The following CMIP variants were observed in gnomAD, a reference collection of about 807,000 sequenced individuals.
CMIP encodes C-Maf-inducing protein.
In CMIP, 13 loss-of-function variants were observed where a neutral mutation model predicts 97.3. The observed-to-expected ratio is 0.13, with a 90% CI of 0.09 to 0.21. The LOEUF is 0.21. Ranked by LOEUF, CMIP falls within the 10% of genes least tolerant of loss-of-function variation. The probability of loss-of-function intolerance (pLI) is 1.00; values close to 1 mark genes in which losing one functional copy is unlikely to be tolerated. For missense variants in CMIP, 847 were observed against 1,024.9 expected (o/e 0.83, Z 2.37); for synonymous variants, 538 against 436.3 (o/e 1.23, Z -2.91).
rs746236947 is a variant in CMIP at position 81,652,304 on chromosome 16, C to G, written c.579C>G (p.Pro193=). Residue 193 remains proline, a synonymous_variant, in exon 4 of 21, where the codon CCC becomes CCG. Transcript: ENST00000537098. The surrounding 1 kb of genome is among the most constrained non-coding windows in gnomAD (Gnocchi z 5.2). The stretch of plus-strand genomic sequence containing the variant: ...TGGTGGACATGGCCCTGACATCCCC[C>G]CTGCAGGATGACTCCATCAACCAGG... The part of the protein sequence containing the change: ...RTLVDMALTS[P]LQDDSINQAP... The G allele has an allele frequency of 3.5e-5, 56 of 1,613,846 alleles. No homozygotes were observed. The highest frequency in any genetic ancestry group is 1.8e-4 in the East Asian group (8 of 44,890).
chr16:81,549,859 T>A (rs1301030502), intron 1 of CMIP, among the ~76,000 whole-genome samples: 4 of 152,170 alleles, frequency 2.6e-5, no homozygotes, highest in African/African-American at 9.7e-5. Flanking sequence ...CGCGTGCATA[T>A]GCCAGTGTGT....
chr16:81,649,353 C>A (rs556195325), intron 3 of CMIP, among the ~76,000 whole-genome samples: 4 of 152,254 alleles, frequency 2.6e-5, no homozygotes, highest in Non-Finnish European at 5.9e-5. Context: ...GGTGTACCGA[C>A]CCCGAGGGCT....
chr16:81,536,319 G>A (rs540636420), intron 1 of CMIP, among the ~76,000 whole-genome samples: 6 of 152,226 alleles, frequency 3.9e-5, no homozygotes, highest in African/African-American at 4.8e-5. Context: ...CTTACCTTGC[G>A]CCATGCAGGG....
rs35478251 is a variant in CMIP, at chr16:81,640,286, GCCC to G, written c.478-11906_478-11904del. Among the ~76,000 whole-genome samples the G allele has an allele frequency of 9.3e-5, 12 of 129,454 alleles. No individual in the cohort carries two copies. The South Asian group carries it at 1.0e-3, about 11-fold the overall frequency. 84.9% of individuals were successfully genotyped at this position (129,454 alleles called of 152,430 possible). The stretch of plus-strand genomic sequence containing the variant: ...CAGCAAGAGCAGGATAGGACATCAG[GCCC>G]CCCCCCCCCCAATTCCCCAGGGAAA... On this transcript the variant is annotated intron_variant, in intron 3 of 20. Coordinates refer to ENST00000537098, the MANE Select transcript of CMIP (RefSeq NM_198390.3).
chr16:81,456,318 C>T (rs1906542515), intron 1 of CMIP, among the ~76,000 whole-genome samples: 1 of 152,196 alleles, frequency 6.6e-6, no homozygotes, highest in Non-Finnish European at 1.5e-5. Context: ...CTCATCAGCC[C>T]CGTGAGGCGT....
chr16:81,654,313 C>G (rs1253616522), intron 4 of CMIP, among the ~76,000 whole-genome samples: 2 of 152,062 alleles, frequency 1.3e-5, no homozygotes, highest in Non-Finnish European at 2.9e-5. Flanking sequence ...CTCAAGTGAT[C>G]CTCCCACCTT....
At chr16:81,475,936 G>A (rs1907882317) in intron 1 of CMIP, 1 of 416,842 alleles carries the variant, frequency 2.4e-6, no homozygotes, top group Non-Finnish European at 4.5e-6. Context: ...GCAGTGAGCT[G>A]AGATTGCTCC....
At chr16:81,620,658 T>C (rs923802136) in intron 2 of CMIP, 1 of 547,514 alleles carries the variant, frequency 1.8e-6, no homozygotes, top group African/African-American at 1.9e-5. Context: ...ACGGTGCTAG[T>C]GATGTCTTGT....
intron 15 of CMIP, 56 bp downstream of exon 15, chr16:81,699,857 T>G: frequency 8.1e-7 from 1 of 1,228,688 alleles, no homozygotes; most frequent in Non-Finnish European, 1.2e-6. Context: ...CCCTTGTCCG[T>G]GCCGATAGAG....
chr16:81,498,698 A>G (rs988684074), intron 1 of CMIP, among the ~76,000 whole-genome samples: 2 of 152,100 alleles, frequency 1.3e-5, no homozygotes, highest in South Asian at 4.1e-4. Flanking sequence ...TTGAGCACAC[A>G]TGTCCTGGGC....
intron 20 of CMIP, 98 bp from the exon 21 acceptor site, chr16:81,709,648 C>G (rs1354637511): frequency 1.5e-6 from 2 of 1,373,320 alleles, no homozygotes. Flanking sequence ...GAGAGGGTGG[C>G]AGAGACCCCC....
At position 81,552,697 on chromosome 16, in the gene CMIP, G is replaced by C. The variant is rs535106222; in HGVS notation, c.301-54870G>C. 7.2e-5 allele frequency among the ~76,000 whole-genome samples: 11 copies of C among 152,340 alleles called. No individual in the cohort carries two copies. In the South Asian group the frequency reaches 1.7e-3, roughly 23 times the overall value. On this transcript the variant is annotated intron_variant, in intron 1 of 20. Transcript: ENST00000537098. ...CTGCAACGTCTCTTCTGCCATGTCA[G>C]ATGGCACATTCCCAGGTTCTGGGGA... is the stretch of plus-strand genomic sequence containing the variant.
chr16:81,603,579 T>G (rs528857126), intron 1 of CMIP, among the ~76,000 whole-genome samples: 1 of 152,304 alleles, frequency 6.6e-6, no homozygotes, highest in South Asian at 2.1e-4. Context: ...TTATTAGGTT[T>G]CTTTAGGTTT....
intron 1 of CMIP, among the ~76,000 whole-genome samples, chr16:81,458,099 G>T (rs1906673405): frequency 2.6e-5 from 4 of 152,216 alleles, no homozygotes; most frequent in Admixed American, 2.6e-4. Flanking sequence ...TTCAAAACCT[G>T]CTTCTTGTGC....
Position 81,671,676 on chromosome 16 carries a change from C to G in CMIP, c.930-290C>G, listed in dbSNP as rs560336357. 1.6e-4 allele frequency among the ~76,000 whole-genome samples: 24 copies of G among 152,316 alleles called. No homozygotes were observed. The South Asian group carries it at 5.0e-3, about 32-fold the overall frequency. On this transcript the variant is annotated intron_variant, in intron 8 of 20. Transcript: ENST00000537098. ...TATCCTCATTTTATCGCTGCAGAAA[C>G]AGGGTGGAGAGTTTAGGAGGTTTCC...
chr16:81,585,624 C>T (rs1260424476), intron 1 of CMIP, among the ~76,000 whole-genome samples: 3 of 152,184 alleles, frequency 2.0e-5, no homozygotes, highest in Non-Finnish European at 4.4e-5. Context: ...CAAGGTTCAT[C>T]CATGTCGTAG....
chr16:81,686,435 C>G (rs1905397492), intron 10 of CMIP, among the ~76,000 whole-genome samples: 1 of 152,222 alleles, frequency 6.6e-6, no homozygotes, highest in Non-Finnish European at 1.5e-5. Context: ...AGAGGACCTG[C>G]TGTCAGTCCT....
chr16:81,687,631 C>T (rs1162389284), intron 10 of CMIP, among the ~76,000 whole-genome samples: 1 of 152,144 alleles, frequency 6.6e-6, no homozygotes, highest in Non-Finnish European at 1.5e-5. Context: ...GCCTCATTTT[C>T]CTCGTCTGTA....
At chr16:81,663,783 C>G (rs981678466) in intron 6 of CMIP, among the ~76,000 whole-genome samples, 17 of 152,062 alleles carry the variant, frequency 1.1e-4, no homozygotes, top group African/African-American at 3.9e-4. Context: ...AATGCAGGCA[C>G]CTGGGAGGAA....
Sources: allele counts gnomAD v4.1 joint callset (sites outside exome capture counted in the v4.1 genomes callset), GRCh38; gene constraint gnomAD v4.1.1; non-coding constraint Gnocchi (gnomAD v3.1); transcripts MANE v1.5; gene names NCBI Gene and HGNC (gene_info 2026-07-23, HGNC 2026-07-21).